BBX: variants seen among roughly 807,000 people sequenced by gnomAD.
The protein encoded by BBX is HMG box transcription factor BBX.
Under a neutral mutation model 100.2 loss-of-function variants are expected in BBX, and 30 were observed. The ratio of observed to expected loss-of-function variants is 0.30; its 90% CI spans 0.22 to 0.41. The LOEUF is 0.41. Among genes scored for constraint, BBX ranks in the 10% least tolerant of loss-of-function variants. BBX has a pLI of 1.00. For missense variants in BBX, 1,023 were observed against 1,129.8 expected, an observed-to-expected ratio of 0.91 and a Z score of 1.35; for synonymous variants, 376 against 388.1, an observed-to-expected ratio of 0.97 and a Z score of 0.37.
intron 7 of BBX, among the ~76,000 whole-genome samples, chr3:107,737,514 C>A (rs2063717362): frequency 6.6e-6 from 1 of 152,120 alleles, no homozygotes; most frequent in Admixed American, 6.6e-5. Flanking sequence ...TGATGGCACA[C>A]CTCCATAAAA....
chr3:107,762,653 G>A (rs186753235), intron 10 of BBX, among the ~76,000 whole-genome samples: 1 of 152,150 alleles, frequency 6.6e-6, no homozygotes, highest in Non-Finnish European at 1.5e-5. Context: ...CATTTGTTTT[G>A]TACTAAAAAG....
intron 2 of BBX, among the ~76,000 whole-genome samples, chr3:107,603,517 T>A (rs948270555): frequency 1.3e-5 from 2 of 152,098 alleles, no homozygotes; most frequent in Admixed American, 6.5e-5. Flanking sequence ...TAGCTGGGAT[T>A]ACAGGTGCAT....
intron 2 of BBX, among the ~76,000 whole-genome samples, chr3:107,635,870 C>G (rs1338452528): frequency 1.3e-5 from 2 of 152,004 alleles, no homozygotes; most frequent in African/African-American, 4.8e-5. Flanking sequence ...TGCCACTACG[C>G]CTGACTAATT....
intron 5 of BBX, among the ~76,000 whole-genome samples, chr3:107,724,061 A>G (rs779547054): frequency 2.2e-4 from 33 of 151,924 alleles, no homozygotes; most frequent in Non-Finnish European, 3.7e-4. Context: ...TCCATATCCT[A>G]TCCAGCACCT....
chr3:107,610,078 A>G (rs940113519), intron 2 of BBX, among the ~76,000 whole-genome samples: 4 of 151,866 alleles, frequency 2.6e-5, no homozygotes, highest in African/African-American at 7.2e-5. Flanking sequence ...ATATGTTTCC[A>G]TTATCATTTG....
chr3:107,542,781 CCA>C (rs2048951450), intron 2 of BBX, among the ~76,000 whole-genome samples: 1 of 152,122 alleles, frequency 6.6e-6, no homozygotes, highest in South Asian at 2.1e-4. Flanking sequence ...CTACTGGAGG[CCA>C]TATTTATAAT....
chr3:107,587,407 T>G (rs2052937049), intron 2 of BBX, among the ~76,000 whole-genome samples: 1 of 151,628 alleles, frequency 6.6e-6, no homozygotes, highest in African/African-American at 2.4e-5. Context: ...TTTAGTTACA[T>G]ATTGGAATGA....
chr3:107,701,902 C>T (rs1011001878), intron 3 of BBX, among the ~76,000 whole-genome samples: 1 of 151,976 alleles, frequency 6.6e-6, no homozygotes. Context: ...AGCTCTGGTA[C>T]ATAGGAAGCA....
chr3:107,716,393 C>A, intron 4 of BBX: 1 of 571,076 alleles, frequency 1.8e-6, no homozygotes. Context: ...GAGACATGCA[C>A]AGGTTGCTAT....
At chr3:107,697,416 A>T (rs1425156262) in intron 3 of BBX, among the ~76,000 whole-genome samples, 4 of 151,846 alleles carry the variant, frequency 2.6e-5, no homozygotes, top group Admixed American at 2.0e-4. Context: ...TCCTTCTAAC[A>T]GACAGGACCC....
rs187276667 is a variant in BBX, at chr3:107,602,533, A to G, written c.-83-43303A>G. Reference sequence around the variant, plus strand: ...GTTTGAGATCATCAGCCTGGGCAACATAGTGAGACCTTGTCTCAAAAAATA... The same window carrying G: ...GTTTGAGATCATCAGCCTGGGCAACGTAGTGAGACCTTGTCTCAAAAAATA... On this transcript the variant is annotated intron_variant, in intron 2 of 17. Transcript: ENST00000325805. 1.6e-3 allele frequency among the ~76,000 whole-genome samples: 249 copies of G among 152,354 alleles called. 1 individual carries two copies. The highest frequency in any genetic ancestry group is 5.8e-3 in the African/African-American group (243 of 41,592).
rs146561354 is a variant in BBX, at chr3:107,648,973, G to C, written c.-10+3064G>C. Among the ~76,000 whole-genome samples the C allele has an allele frequency of 9.4e-3, 1,428 of 152,262 alleles. 30 individuals are homozygous for C. Among genetic ancestry groups the C allele is most frequent in the African/African-American group, 0.033 (1,357 of 41,546 alleles). On this transcript the variant is annotated intron_variant, in intron 3 of 17. Transcript: ENST00000325805. ...ATGCTGCTAATAAAGACATACCCAA[G>C]ACTGGGTAATTTATAAAGGAAAGAG...
intron 2 of BBX, among the ~76,000 whole-genome samples, chr3:107,588,692 T>C (rs2053052184): frequency 6.6e-6 from 1 of 152,194 alleles, no homozygotes; most frequent in Non-Finnish European, 1.5e-5. Flanking sequence ...TTGATGTTTT[T>C]AGTAACATGG....
At chr3:107,625,858 A>G (rs1056922948) in intron 2 of BBX, among the ~76,000 whole-genome samples, 3 of 152,150 alleles carry the variant, frequency 2.0e-5, no homozygotes, top group African/African-American at 7.2e-5. Context: ...TTCAAAGGGT[A>G]TGTGTGCAGG....
intron 17 of BBX, among the ~76,000 whole-genome samples, chr3:107,802,957 C>T (rs2070682443): frequency 6.6e-6 from 1 of 152,186 alleles, no homozygotes; most frequent in Admixed American, 6.5e-5. Context: ...CTCCTGCATG[C>T]TATGCTCACA....
intron 16 of BBX, among the ~76,000 whole-genome samples, chr3:107,799,980 G>A (rs984342278): frequency 6.6e-6 from 1 of 152,150 alleles, no homozygotes; most frequent in African/African-American, 2.4e-5. Context: ...TGTGATTTGG[G>A]TTAATCTAGG....
intron 15 of BBX, among the ~76,000 whole-genome samples, chr3:107,796,956 T>G (rs905381649): frequency 6.6e-6 from 1 of 152,162 alleles, no homozygotes; most frequent in Non-Finnish European, 1.5e-5. Context: ...AAACAACTGT[T>G]ATCTTAAGCC....
At chr3:107,701,391 A>G (rs1040843036) in intron 3 of BBX, among the ~76,000 whole-genome samples, 1 of 152,146 alleles carries the variant, frequency 6.6e-6, no homozygotes, top group Non-Finnish European at 1.5e-5. Flanking sequence ...TACTTAAGGT[A>G]TATTCATTGT....
chr3:107,597,805 A>G (rs766039780), intron 2 of BBX, among the ~76,000 whole-genome samples: 25 of 152,312 alleles, frequency 1.6e-4, no homozygotes, highest in Non-Finnish European at 2.8e-4. Flanking sequence ...CACCAACAGT[A>G]TTTCCAATTG....
Sources: gnomAD v4.1 joint callset for allele counts (sites outside exome capture counted in the v4.1 genomes callset) on GRCh38, gnomAD v4.1.1 for gene constraint, MANE v1.5 for transcripts, NCBI Gene and HGNC (gene_info 2026-07-23, HGNC 2026-07-21) for gene names.